The following SQOR variants were observed in gnomAD, a reference collection of about 807,000 sequenced individuals.
SQOR encodes the protein sulfide:quinone oxidoreductase, mitochondrial.
A neutral mutation model predicts 48.6 loss-of-function variants in SQOR; 39 were observed. The observed-to-expected ratio is 0.80, with a 90% confidence interval of 0.62 to 1.05. SQOR has a LOEUF of 1.05. SQOR is among the 50% of genes least tolerant of loss of function. The pLI is 0.00. For synonymous variants in SQOR, 220 were observed against 206.2 expected, an observed-to-expected ratio of 1.07 and a Z score of -0.57; for missense variants, 561 against 559.9, an observed-to-expected ratio of 1.00 and a Z score of -0.02.
At chr15:45,676,053 G>A (rs62008305) in intron 5 of SQOR, 48 bp from the exon 6 acceptor site, 1 of 1,507,750 alleles carries the variant, frequency 6.6e-7, no homozygotes, top group Non-Finnish European at 8.9e-7. Context: ...AAAAAAAAAG[G>A]CAGCTGCAGT....
At chr15:45,685,366 C>T (rs1358486836) in intron 7 of SQOR, among the ~76,000 whole-genome samples, 1 of 152,064 alleles carries the variant, frequency 6.6e-6, no homozygotes, top group African/African-American at 2.4e-5. Context: ...CTGTTCAGAC[C>T]CTTATGCGAT....
chr15:45,653,498 C>T lies in SQOR; in HGVS notation c.-17-5409C>T, dbSNP rs572784119. Reference sequence around the variant, plus strand: ...TGGTGCAGAGCTTACAGGCCCTCTCCGGTCACACCACCATCCAGCACATCA... The same window carrying T: ...TGGTGCAGAGCTTACAGGCCCTCTCTGGTCACACCACCATCCAGCACATCA... On this transcript the variant is annotated intron_variant, in intron 1 of 9. Transcript: ENST00000260324. Among the ~76,000 whole-genome samples the T allele has an allele frequency of 1.2e-4, 18 of 152,306 alleles. 1 individual carries two copies. Among genetic ancestry groups the T allele is most frequent in the Admixed American group, 6.5e-4 (10 of 15,302 alleles).
chr15:45,672,263 C>T (rs1235151034), intron 4 of SQOR, among the ~76,000 whole-genome samples: 1 of 152,072 alleles, frequency 6.6e-6, no homozygotes, highest in African/African-American at 2.4e-5. Flanking sequence ...GGGCTCCATC[C>T]ATTCTAGGGG....
At chr15:45,635,982 C>T (rs1894997369) in intron 1 of SQOR, among the ~76,000 whole-genome samples, 1 of 151,996 alleles carries the variant, frequency 6.6e-6, no homozygotes, top group South Asian at 2.1e-4. Context: ...ATTACAGGCG[C>T]AGCACACCTG....
intron 9 of SQOR, 118 bp downstream of exon 9, chr15:45,689,335 C>T: frequency 1.1e-6 from 1 of 890,908 alleles, no homozygotes; most frequent in Non-Finnish European, 1.7e-6. Flanking sequence ...GTCTTCCATG[C>T]TCTAGGCCCT....
chr15:45,662,811 C>T (rs1359285226), intron 3 of SQOR, among the ~76,000 whole-genome samples: 1 of 152,204 alleles, frequency 6.6e-6, no homozygotes, highest in Non-Finnish European at 1.5e-5. Context: ...GAGCCCAGGG[C>T]AGGGGCAGGC....
intron 1 of SQOR, among the ~76,000 whole-genome samples, chr15:45,636,490 G>T (rs1373620432): frequency 1.3e-5 from 2 of 148,460 alleles, no homozygotes; most frequent in African/African-American, 5.0e-5. Context: ...TGCAACCTCC[G>T]CCTGCTGGGT....
At chr15:45,676,372 A>G (rs1477592719) in intron 6 of SQOR, 62 bp downstream of exon 6, 2 of 1,498,998 alleles carry the variant, frequency 1.3e-6, no homozygotes, top group South Asian at 1.2e-5. Flanking sequence ...CCATAGATAC[A>G]TGGGGGCTCA....
In SQOR at chr15:45,664,445, T is replaced by A. The variant is rs893532757; in HGVS notation, c.405+2320T>A. Among the ~76,000 whole-genome samples the A allele has an allele frequency of 1.4e-4, 22 of 152,194 alleles. 1 individual carries two copies. The highest frequency in any genetic ancestry group is 5.3e-4 in the African/African-American group (22 of 41,550). On this transcript the variant is annotated intron_variant, in intron 3 of 9. Coordinates refer to ENST00000260324, the MANE Select transcript of SQOR (RefSeq NM_021199.4). ...TCTCTAGGTATATGTGTCCCCCCCA[T>A]CCTCATGTCCCTCAATTCTTCCTCA... is the stretch of plus-strand genomic sequence containing the variant.
chr15:45,647,475 C>A (rs1397023500), intron 1 of SQOR, among the ~76,000 whole-genome samples: 1 of 151,590 alleles, frequency 6.6e-6, no homozygotes, highest in Non-Finnish European at 1.5e-5. Flanking sequence ...TATAGAAGCA[C>A]ACCACCACGC....
chr15:45,650,017 A>AT (rs1248350055), intron 1 of SQOR, among the ~76,000 whole-genome samples: 2 of 151,182 alleles, frequency 1.3e-5, no homozygotes, highest in African/African-American at 4.9e-5. Context: ...TAATTTTTGT[A>AT]TTTTTAGTAG....
chr15:45,633,052 G>A (rs1413062448), upstream of SQOR, among the ~76,000 whole-genome samples: 2 of 151,878 alleles, frequency 1.3e-5, no homozygotes, highest in Non-Finnish European at 2.9e-5. Context: ...AAGCTCCAGA[G>A]GTCAAGGCTG....
intron 6 of SQOR, among the ~76,000 whole-genome samples, chr15:45,681,718 A>C (rs1403596095): frequency 6.6e-6 from 1 of 152,184 alleles, no homozygotes; most frequent in African/African-American, 2.4e-5. Flanking sequence ...AATAAGAACC[A>C]ACTACAAAAC....
intron 1 of SQOR, among the ~76,000 whole-genome samples, chr15:45,643,259 G>A (rs879366670): frequency 2.6e-5 from 4 of 152,114 alleles, no homozygotes; most frequent in Non-Finnish European, 5.9e-5. Flanking sequence ...GTAGTGGTGC[G>A]ATCTCGGCTC....
chr15:45,689,643 C>A (rs75875637), intron 9 of SQOR, among the ~76,000 whole-genome samples: 23,284 of 151,902 alleles, frequency 0.15, 2,166 homozygotes, highest in East Asian at 0.42. Flanking sequence ...TGGTCTCAAA[C>A]TCCCAACCTC....
chr15:45,662,544 C>T (rs1302667462), intron 3 of SQOR, among the ~76,000 whole-genome samples: 2 of 152,200 alleles, frequency 1.3e-5, no homozygotes, highest in African/African-American at 4.8e-5. Flanking sequence ...ATCCATCCAG[C>T]CACCCTGGGG....
chr15:45,634,225 T>TATATATATATATATA (rs1566912034), upstream of SQOR, among the ~76,000 whole-genome samples: 81 of 125,770 alleles, frequency 6.4e-4, no homozygotes, highest in African/African-American at 9.4e-4. Flanking sequence ...TATATATATA[T>TATATATATATATATA]TCAAAATTCA....
chr15:45,671,925 C>G (rs1889952288), intron 4 of SQOR, among the ~76,000 whole-genome samples: 1 of 152,194 alleles, frequency 6.6e-6, no homozygotes, highest in Admixed American at 6.5e-5. Flanking sequence ...CTCCCTTTCC[C>G]TCTCTCCCCT....
In SQOR at chr15:45,673,697, G is replaced by A. The variant is rs143048388; in HGVS notation, c.550G>A (p.Asp184Asn). The change falls in exon 5 of 10, where the codon GAC becomes AAC. Residue 184 changes from aspartate to asparagine, a missense_variant. Coordinates refer to ENST00000260324, the MANE Select transcript of SQOR (RefSeq NM_021199.4). ...AGAGAAGACATGGAAAGCTCTGCAGGACTTCAAAGAGGGCAATGCCATCTT... is the reference window on the plus strand; with the variant it reads ...AGAGAAGACATGGAAAGCTCTGCAGAACTTCAAAGAGGGCAATGCCATCTT... ...TVEKTWKALQ[D>N]FKEGNAIFTF... 1.4e-3 allele frequency: 2,262 copies of A among 1,614,190 alleles called. 33 individuals are homozygous for A. The African/African-American group carries it at 0.027, about 19-fold the overall frequency.
Sources: allele counts gnomAD v4.1 joint callset (sites outside exome capture counted in the v4.1 genomes callset), GRCh38; gene constraint gnomAD v4.1.1; transcripts MANE v1.5; gene names NCBI Gene and HGNC (gene_info 2026-07-23, HGNC 2026-07-21).